RYR1: variants seen among roughly 807,000 people sequenced by gnomAD.
The protein encoded by RYR1 is ryanodine receptor 1.
In RYR1, 342 loss-of-function variants were observed where a neutral mutation model predicts 583.5. The ratio of observed to expected loss-of-function variants is 0.59; its 90% confidence interval spans 0.54 to 0.64. RYR1 has a LOEUF of 0.64. Among genes scored for constraint, RYR1 ranks in the 30% least tolerant of loss-of-function variants. The pLI is 0.00. For missense variants in RYR1, 6,032 were observed against 6,917.2 expected (o/e 0.87, Z 4.54); for synonymous variants, 2,791 against 2,822.5 (o/e 0.99, Z 0.35).
intron 19 of RYR1, 66 bp downstream of exon 19, chr19:38,459,404 A>G: frequency 3.4e-6 from 5 of 1,483,204 alleles, no homozygotes; most frequent in Non-Finnish European, 4.6e-6. Context: ...CAGCTTCCCC[A>G]GTCACTCCAT....
intron 9 of RYR1, among the ~76,000 whole-genome samples, chr19:38,447,161 G>A (rs1327643845): frequency 6.6e-6 from 1 of 152,144 alleles, no homozygotes; most frequent in Non-Finnish European, 1.5e-5. Flanking sequence ...GCGGGTCAAG[G>A]CTGCAGTGAG....
Position 38,502,877 on chromosome 19 carries a change from C to T in RYR1, c.7836-3C>T, listed in dbSNP as rs1345584460. On this transcript the variant is annotated splice_region_variant and splice_polypyrimidine_tract_variant and intron_variant, in intron 48 of 105. Coordinates refer to ENST00000359596, the MANE Select transcript of RYR1 (RefSeq NM_000540.3). ...ATTCTACATCTTGTGCATTGTCCCG[C>T]AGGTACATCCGCCCGTCGATGCTGC... The T allele has an allele frequency of 1.7e-5, 27 of 1,610,338 alleles. No homozygotes were observed. The highest frequency in any genetic ancestry group is 4.4e-5 in the South Asian group (4 of 91,048).
At position 38,523,928 on chromosome 19, in the gene RYR1, A is replaced by G. The variant is rs745633221; in HGVS notation, c.10454A>G (p.Gln3485Arg). ...KSKMAKAGDI[Q>R]SGGSDQERTK... ...CCGGTGAAGCAGGCGGGAGATATAC[A>G]GGTCAGCCCCACATCTGGGACCTTC... is the stretch of plus-strand genomic sequence containing the variant. Residue 3485 changes from glutamine to arginine, a missense_variant and splice_region_variant, in exon 70 of 106, where the codon CAG becomes CGG. By Grantham distance (43) the Gln-to-Arg change is conservative (BLOSUM62 1). Coordinates refer to ENST00000359596, the MANE Select transcript of RYR1 (RefSeq NM_000540.3). 1 of 1,613,886 alleles carries G rather than the reference A, an allele frequency of 6.2e-7. No homozygotes were observed. Among genetic ancestry groups the G allele is most frequent in the Non-Finnish European group, 8.5e-7 (1 of 1,179,980 alleles).
rs546991961 is a variant in RYR1, at chr19:38,504,286, G to C, written c.7993G>C (p.Gly2665Arg). 6.2e-7 allele frequency: 1 copy of C among 1,614,042 alleles called. No homozygotes were observed. Among genetic ancestry groups the C allele is most frequent in the Non-Finnish European group, 8.5e-7 (1 of 1,180,008 alleles). ...CCTACCCACGGGCTGGGCCAACTTC[G>C]GGGTCACCTCAGAGGAGGAGCTGCA... ...YCLPTGWANF[G>R]VTSEEELHLT... The change falls in exon 50 of 106, where the codon GGG becomes CGG. Residue 2665 changes from glycine to arginine, a missense_variant. By Grantham distance (125) the Gly-to-Arg change is moderately radical (BLOSUM62 -2). Transcript: ENST00000359596.
chr19:38,528,794 AG>A, intron 75 of RYR1, 99 bp downstream of exon 75: 3 of 1,440,310 alleles, frequency 2.1e-6, no homozygotes, highest in South Asian at 1.2e-5. Flanking sequence ...CTCCACATCA[AG>A]GGGTATAGAA....
rs749780239 is a variant in RYR1, at chr19:38,500,001, T to C, written c.7308T>C (p.Cys2436=). ...YAALIDLLGR[C]APEMHLIQAG... ...CCTTGATCGACCTGCTCGGACGCTG[T>C]GCACCAGAGATGCATGTGAGACCCT... The change falls in exon 45 of 106, where the codon TGT becomes TGC. Residue 2436 remains cysteine (C), a synonymous_variant. Coordinates refer to ENST00000359596, the MANE Select transcript of RYR1 (RefSeq NM_000540.3). The surrounding 1 kb of genome is among the most constrained non-coding windows in gnomAD (Gnocchi z 5.9). 5.6e-6 allele frequency: 9 copies of C among 1,613,978 alleles called. No homozygotes were observed. The highest frequency in any genetic ancestry group is 7.6e-6 in the Non-Finnish European group (9 of 1,180,000).
intron 47 of RYR1, among the ~76,000 whole-genome samples, 153 bp downstream of exon 47, chr19:38,501,143 C>T (rs540305137): frequency 5.9e-5 from 9 of 152,194 alleles, no homozygotes; most frequent in African/African-American, 1.4e-4. Flanking sequence ...AAAATGAAAA[C>T]GAAGAAACAC....
At chr19:38,467,967 GATTC>G in intron 25 of RYR1, 155 bp downstream of exon 25, 1 of 681,392 alleles carries the variant, frequency 1.5e-6, no homozygotes, top group African/African-American at 1.8e-5. Flanking sequence ...TTCAACCAAT[GATTC>G]ATCCATCCAT....
chr19:38,552,541 G>A (rs768132152), intron 89 of RYR1, among the ~76,000 whole-genome samples: 3 of 152,126 alleles, frequency 2.0e-5, no homozygotes, highest in African/African-American at 7.2e-5. Flanking sequence ...GTGAGCCACC[G>A]CGCCTGGCCA....
chr19:38,567,409 C>T (rs1940381388), intron 92 of RYR1, among the ~76,000 whole-genome samples: 1 of 152,100 alleles, frequency 6.6e-6, no homozygotes. Flanking sequence ...TTCCCGCTGC[C>T]TGGAACACAG....
intron 99 of RYR1, 70 bp from the exon 100 acceptor site, chr19:38,579,912 C>T: frequency 6.2e-6 from 10 of 1,603,998 alleles, no homozygotes; most frequent in Non-Finnish European, 8.5e-6. Flanking sequence ...TCTCGAGTGG[C>T]CCCTACCCTC....
In RYR1 at chr19:38,517,532, C is replaced by T. The variant is rs201276068; in HGVS notation, c.9859C>T (p.Arg3287Cys). The change falls in exon 66 of 106, where the codon CGC becomes TGC. Residue 3287 changes from arginine (R) to cysteine (C), a missense_variant. By Grantham distance (180) the Arg-to-Cys change is radical. Coordinates refer to ENST00000359596, the MANE Select transcript of RYR1 (RefSeq NM_000540.3). ...LCSYLPRWWE[R>C]GPEAPPSALP... ...CAGCTACCTGCCCCGATGGTGGGAG[C>T]GCGGGCCCGAGGCACCCCCTTCCGC... 71 of 1,613,886 alleles carry T rather than the reference C, an allele frequency of 4.4e-5. No individual in the cohort carries two copies. In the East Asian group the frequency reaches 6.0e-4, roughly 14 times the overall value.
chr19:38,463,411 C>T lies in RYR1; in HGVS notation c.2578-12C>T. 1 of 1,612,782 alleles carries T rather than the reference C, an allele frequency of 6.2e-7. No individual in the cohort carries two copies. The highest frequency in any genetic ancestry group is 8.5e-7 in the Non-Finnish European group (1 of 1,179,220). ...GGACCTTGGGGTCTCAAGAACGTCCCTCTGCCTCTAGATTGTCCTGCCGCC... is the reference window on the plus strand; with the variant it reads ...GGACCTTGGGGTCTCAAGAACGTCCTTCTGCCTCTAGATTGTCCTGCCGCC... On this transcript the variant is annotated splice_polypyrimidine_tract_variant and intron_variant, in intron 20 of 105. Coordinates refer to ENST00000359596, the MANE Select transcript of RYR1 (RefSeq NM_000540.3).
Position 38,512,531 on chromosome 19 carries a change from A to T in RYR1, c.9472+48A>T, listed in dbSNP as rs760100731. On this transcript the variant is annotated intron_variant, in intron 63 of 105. Coordinates refer to ENST00000359596, the MANE Select transcript of RYR1 (RefSeq NM_000540.3). This position sits in a 1 kb window ranked among gnomAD's most constrained non-coding sequence, Gnocchi z 5.1. ...CAGGTTGCGGGGAGTCAGTGTGGCCAACACCACCCATCCGGGTGCCTGTGA... is the reference window on the plus strand; with the variant it reads ...CAGGTTGCGGGGAGTCAGTGTGGCCTACACCACCCATCCGGGTGCCTGTGA... 10 of 1,545,402 alleles carry T rather than the reference A, an allele frequency of 6.5e-6. No homozygotes were observed. The highest frequency in any genetic ancestry group is 8.9e-6 in the Non-Finnish European group (10 of 1,128,952).
intron 101 of RYR1, among the ~76,000 whole-genome samples, chr19:38,583,609 C>T (rs1974316504): frequency 6.6e-6 from 1 of 152,124 alleles, no homozygotes; most frequent in Non-Finnish European, 1.5e-5. Context: ...CCTGCCGTGG[C>T]TTACAAAGCC....
Position 38,499,028 on chromosome 19 carries a change from G to C in RYR1, c.6892-80G>C. The C allele has an allele frequency of 6.3e-7, 1 of 1,578,386 alleles. No individual in the cohort carries two copies. The highest frequency in any genetic ancestry group is 1.1e-5 in the South Asian group (1 of 87,076). ...ACCGGACTGAGGAGCCGCAGGGCAG[G>C]GCAGGGCAGGGCAGAGGGCTGAGCC... On this transcript the variant is annotated intron_variant, in intron 42 of 105. Coordinates refer to ENST00000359596, the MANE Select transcript of RYR1 (RefSeq NM_000540.3). This position sits in a 1 kb window ranked among gnomAD's most constrained non-coding sequence, Gnocchi z 7.3.
At position 38,527,791 on chromosome 19, in the gene RYR1, G is replaced by A; in HGVS notation, c.10824+7G>A. 6.2e-7 allele frequency: 1 copy of A among 1,613,982 alleles called. No homozygotes were observed. The highest frequency in any genetic ancestry group is 8.5e-7 in the Non-Finnish European group (1 of 1,179,968). On this transcript the variant is annotated splice_region_variant and intron_variant, in intron 73 of 105. Coordinates refer to ENST00000359596, the MANE Select transcript of RYR1 (RefSeq NM_000540.3). ...GCTCTACTACCTGGACCAGGTGGGT[G>A]GGGCCGGAGGGGTCTTTCTACTGGG...
At chr19:38,582,668 T>G (rs150310785) in intron 101 of RYR1, among the ~76,000 whole-genome samples, 355 of 152,192 alleles carry the variant, frequency 2.3e-3, no homozygotes, top group Admixed American at 6.0e-3. Flanking sequence ...AAAAAAAGTT[T>G]CACCCAAGGT....
chr19:38,534,005 A>AT (rs71165556), intron 78 of RYR1, among the ~76,000 whole-genome samples: 10,071 of 127,428 alleles, frequency 0.079, 545 homozygotes, highest in Admixed American at 0.12. Flanking sequence ...ACCATCTGTA[A>AT]TTTTTTTTTT....
Sources: allele counts gnomAD v4.1 joint callset (sites outside exome capture counted in the v4.1 genomes callset), GRCh38; gene constraint gnomAD v4.1.1; non-coding constraint Gnocchi (gnomAD v3.1); transcripts MANE v1.5; gene names NCBI Gene and HGNC (gene_info 2026-07-23, HGNC 2026-07-21).